Variants in WDPCP observed in about 807,000 individuals in gnomAD.
WDPCP encodes the protein WD repeat containing planar cell polarity effector.
Under a neutral mutation model 93.1 loss-of-function variants are expected in WDPCP, and 71 were observed. The observed-to-expected ratio is 0.76, with a 90% confidence interval of 0.63 to 0.93. WDPCP has a LOEUF of 0.93. Among genes scored for constraint, WDPCP ranks in the 40% least tolerant of loss-of-function variants. The pLI, the probability that WDPCP is intolerant of heterozygous loss-of-function variation, is 0.00. For missense variants in WDPCP, 844 were observed against 887.4 expected (o/e 0.95, Z 0.62); for synonymous variants, 315 against 315.0 (o/e 1.00, Z 0.00).
At chr2:63,338,379 C>T (rs1274830323) in intron 12 of WDPCP, among the ~76,000 whole-genome samples, 2 of 151,316 alleles carry the variant, frequency 1.3e-5, no homozygotes, top group African/African-American at 4.9e-5. Flanking sequence ...TGGTGAAACC[C>T]CGTCTCTATT....
In WDPCP at chr2:63,382,048, C is replaced by A; in HGVS notation, c.1482G>T (p.Gln494His). 6.2e-7 allele frequency: 1 copy of A among 1,613,316 alleles called. No homozygotes were observed. Among genetic ancestry groups the A allele is most frequent in the South Asian group, 1.1e-5 (1 of 91,060 alleles). Residue 494 changes from glutamine to histidine, a missense_variant, in exon 11 of 18, where the codon CAG (glutamine) becomes CAT (histidine). By Grantham distance (24) the Gln-to-His change is conservative. Transcript: ENST00000272321. ...CATAGATCTCATCACAGTGAATGTACTGGAAGATGATGTCTATCAGGCCCA... is the reference window on the plus strand; with the variant it reads ...CATAGATCTCATCACAGTGAATGTAATGGAAGATGATGTCTATCAGGCCCA... ...GQLGLIDIIFQYIHCDEIYEA... is the reference protein window; with the variant it reads ...GQLGLIDIIFHYIHCDEIYEA...
intron 10 of WDPCP, among the ~76,000 whole-genome samples, chr2:63,392,657 A>G (rs1029782813): frequency 2.0e-5 from 3 of 152,102 alleles, no homozygotes; most frequent in Non-Finnish European, 2.9e-5. Flanking sequence ...GGCTAATATC[A>G]AGAATCTACA....
At chr2:63,175,112 A>AT (rs1366678666) in intron 14 of WDPCP, among the ~76,000 whole-genome samples, 1 of 152,082 alleles carries the variant, frequency 6.6e-6, no homozygotes, top group Non-Finnish European at 1.5e-5. Flanking sequence ...TATTTATAAA[A>AT]TTTTTTTGTT....
chr2:63,267,943 C>G (rs1682282026), intron 13 of WDPCP, among the ~76,000 whole-genome samples: 1 of 151,894 alleles, frequency 6.6e-6, no homozygotes, highest in South Asian at 2.1e-4. Context: ...CTAAAAACAC[C>G]ATATGATCTA....
intron 2 of WDPCP, among the ~76,000 whole-genome samples, chr2:63,731,340 T>C (rs528761732): frequency 1.9e-4 from 29 of 151,860 alleles, no homozygotes; most frequent in African/African-American, 7.0e-4. Context: ...TATTAACTCA[T>C]AGTAGTGCAG....
rs1696921132 is a variant in WDPCP, at chr2:63,433,598, G to A, written c.825+147C>T. 1.4e-5 allele frequency: 12 copies of A among 863,140 alleles called. No individual in the cohort carries two copies. In the South Asian group the frequency reaches 2.6e-4, roughly 18 times the overall value. 53.5% of individuals were successfully genotyped at this position (863,140 alleles called of 1,614,324 possible). A position where few individuals can be genotyped will look rare whatever the true frequency, so the allele number is the denominator to read the frequency against. On this transcript the variant is annotated intron_variant, in intron 9 of 17. Coordinates refer to ENST00000272321, the MANE Select transcript of WDPCP (RefSeq NM_015910.7). ...ATTCTAGCCAGCCCTGGAATTGTCTGGGTATCTTCTAGATATGATACTTTT... is the reference window on the plus strand; with the variant it reads ...ATTCTAGCCAGCCCTGGAATTGTCTAGGTATCTTCTAGATATGATACTTTT...
intron 17 of WDPCP, among the ~76,000 whole-genome samples, chr2:63,124,386 A>G (rs1406124519): frequency 2.0e-5 from 3 of 152,208 alleles, no homozygotes; most frequent in Non-Finnish European, 4.4e-5. Context: ...CAGCAACGAA[A>G]GGGTTTTCCC....
intron 12 of WDPCP, among the ~76,000 whole-genome samples, chr2:63,344,842 C>A (rs1689084135): frequency 6.6e-6 from 1 of 152,200 alleles, no homozygotes; most frequent in African/African-American, 2.4e-5. Context: ...TAATGGCCCT[C>A]TGGCACCAAC....
At chr2:63,471,395 C>G (rs1167482360) in intron 6 of WDPCP, among the ~76,000 whole-genome samples, 1 of 152,158 alleles carries the variant, frequency 6.6e-6, no homozygotes, top group Admixed American at 6.6e-5. Flanking sequence ...CTCTGCTTAG[C>G]AAAGCAAGAC....
chr2:63,267,545 T>C (rs1168036619), intron 13 of WDPCP, among the ~76,000 whole-genome samples: 1 of 152,096 alleles, frequency 6.6e-6, no homozygotes, highest in African/African-American at 2.4e-5. Flanking sequence ...AGTGAAGAGA[T>C]AAACCATGTA....
chr2:63,528,787 C>G (rs1425431404), intron 1 of WDPCP, among the ~76,000 whole-genome samples: 2 of 152,170 alleles, frequency 1.3e-5, no homozygotes, highest in African/African-American at 2.4e-5. Context: ...GGCATTGAAT[C>G]TATAAATTAC....
intron 10 of WDPCP, among the ~76,000 whole-genome samples, chr2:63,397,407 T>C (rs1358811624): frequency 6.6e-6 from 1 of 152,158 alleles, no homozygotes; most frequent in African/African-American, 2.4e-5. Flanking sequence ...GGCACACATG[T>C]ACATCCAAGA....
At chr2:63,529,557 G>A (rs1363141030) in intron 1 of WDPCP, among the ~76,000 whole-genome samples, 1 of 152,196 alleles carries the variant, frequency 6.6e-6, no homozygotes, top group African/African-American at 2.4e-5. Flanking sequence ...GCATCCCAGG[G>A]ATGAAACCGA....
At chr2:63,130,533 A>G (rs762115753) in intron 17 of WDPCP, among the ~76,000 whole-genome samples, 12 of 152,166 alleles carry the variant, frequency 7.9e-5, no homozygotes, top group Non-Finnish European at 1.8e-4. Context: ...TTTTGAAGTC[A>G]GAAAGTGTGA....
chr2:63,728,568 T>C (rs991132737), intron 2 of WDPCP, among the ~76,000 whole-genome samples: 2 of 152,224 alleles, frequency 1.3e-5, no homozygotes, highest in Non-Finnish European at 2.9e-5. Flanking sequence ...CTAAATTTTA[T>C]TTACATCTTA....
At chr2:63,414,082 C>A (rs12996604) in intron 9 of WDPCP, among the ~76,000 whole-genome samples, 60,602 of 151,766 alleles carry the variant, frequency 0.4, 12,401 homozygotes, top group Non-Finnish European at 0.43. Context: ...AAAAATGCTC[C>A]ACATCACTAA....
chr2:63,343,166 T>C (rs1688963176), intron 12 of WDPCP, among the ~76,000 whole-genome samples: 1 of 151,928 alleles, frequency 6.6e-6, no homozygotes, highest in Non-Finnish European at 1.5e-5. Context: ...ACATCTGGCT[T>C]TTTTTCTTTT....
chr2:63,761,928 T>C (rs760352679), intron 2 of WDPCP, among the ~76,000 whole-genome samples: 19 of 152,182 alleles, frequency 1.2e-4, no homozygotes, highest in Non-Finnish European at 1.8e-4. Flanking sequence ...CATCTTCTTT[T>C]GGGCTGGGGG....
intron 2 of WDPCP, among the ~76,000 whole-genome samples, chr2:63,758,191 A>G (rs1669997200): frequency 6.6e-6 from 1 of 151,966 alleles, no homozygotes; most frequent in Non-Finnish European, 1.5e-5. Flanking sequence ...ATCTCAACTC[A>G]GCAGCCCAGC....
Sources: allele counts gnomAD v4.1 joint callset (sites outside exome capture counted in the v4.1 genomes callset), GRCh38; gene constraint gnomAD v4.1.1; transcripts MANE v1.5; gene names NCBI Gene and HGNC (gene_info 2026-07-23, HGNC 2026-07-21).